GTPBP2: variants seen among roughly 807,000 people sequenced by gnomAD.
GTPBP2 encodes the protein GTP-binding protein 2.
In GTPBP2, 32 loss-of-function variants were observed where a neutral mutation model predicts 63.0. That is an observed-to-expected ratio of 0.51 (90% CI 0.38 to 0.68). The LOEUF is 0.68. Ranked by LOEUF, GTPBP2 falls within the 30% of genes least tolerant of loss-of-function variation. The probability of loss-of-function intolerance (pLI) is 0.00; values close to 1 mark genes in which losing one functional copy is unlikely to be tolerated. For missense variants in GTPBP2, 492 were observed against 796.9 expected (o/e 0.62, Z 4.61); for synonymous variants, 310 against 322.6 (o/e 0.96, Z 0.42).
Position 43,624,833 on chromosome 6 carries a change from G to A in GTPBP2, c.880+55C>T. On this transcript the variant is annotated intron_variant, in intron 6 of 11. Transcript: ENST00000307126. This position sits in a 1 kb window ranked among gnomAD's most constrained non-coding sequence, Gnocchi z 5.1. ...GTCTGTCTCCAAGATTTGAGGCCCA[G>A]GGTAGGAGAGTCAGCACCCCCCTTC... 6.3e-7 allele frequency: 1 copy of A among 1,592,532 alleles called. No homozygotes were observed. The highest frequency in any genetic ancestry group is 8.6e-7 in the Non-Finnish European group (1 of 1,161,396).
chr6:43,623,435 C>T lies in GTPBP2; in HGVS notation c.1295+302G>A. 6 of 420,958 alleles carry T rather than the reference C, an allele frequency of 1.4e-5. No individual in the cohort carries two copies. In the South Asian group the frequency reaches 1.8e-4, roughly 13 times the overall value. The allele number at this position is 420,958 out of a possible 1,614,324, so 26.1% of individuals were successfully genotyped here. On this transcript the variant is annotated intron_variant, in intron 9 of 11. Coordinates refer to ENST00000307126, the MANE Select transcript of GTPBP2 (RefSeq NM_019096.5). ...GAAAGAAGAGTCTTAAGTGACGTCT[C>T]TCATTTCCCTGTGTGAGATGAAGTC...
intron 11 of GTPBP2, 46 bp downstream of exon 11, chr6:43,621,957 C>T (rs1191015575): frequency 1.2e-6 from 2 of 1,609,572 alleles, no homozygotes; most frequent in Non-Finnish European, 1.7e-6. Context: ...GGCAGGCCTC[C>T]CTCTTTTCTG....
chr6:43,627,623 A>C (rs1324754099), intron 1 of GTPBP2, among the ~76,000 whole-genome samples: 2 of 152,170 alleles, frequency 1.3e-5, no homozygotes, highest in Admixed American at 6.5e-5. Context: ...AATCCACCCC[A>C]CAGTCTCTTC....
chr6:43,626,263 G>T lies in GTPBP2; in HGVS notation c.361C>A (p.Arg121=), dbSNP rs142098011. 6.2e-7 allele frequency: 1 copy of T among 1,614,148 alleles called. No individual in the cohort carries two copies. Among genetic ancestry groups the T allele is most frequent in the Non-Finnish European group, 8.5e-7 (1 of 1,180,000 alleles). ...CGGTGCAGGGTCTTGAGCGAAGCTC[G>T]CATTTCCTCCTCAGCCAGCCCCACC... ...LLVGLAEEEM[R]ASLKTLHRMA... The change falls in exon 3 of 12, where the codon CGA becomes AGA. Residue 121 remains arginine, a synonymous_variant. Coordinates refer to ENST00000307126, the MANE Select transcript of GTPBP2 (RefSeq NM_019096.5). The surrounding 1 kb of genome is among the most constrained non-coding windows in gnomAD (Gnocchi z 4.0).
In GTPBP2 at chr6:43,624,839, G is replaced by T; in HGVS notation, c.880+49C>A. The T allele has an allele frequency of 6.3e-7, 1 of 1,598,510 alleles. No individual in the cohort carries two copies. The highest frequency in any genetic ancestry group is 8.6e-7 in the Non-Finnish European group (1 of 1,166,632). ...CTCCAAGATTTGAGGCCCAGGGTAG[G>T]AGAGTCAGCACCCCCCTTCAGCCCT... On this transcript the variant is annotated intron_variant, in intron 6 of 11. Coordinates refer to ENST00000307126, the MANE Select transcript of GTPBP2 (RefSeq NM_019096.5). This position sits in a 1 kb window ranked among gnomAD's most constrained non-coding sequence, Gnocchi z 5.1.
At chr6:43,627,957 G>C (rs1456623118) in intron 1 of GTPBP2, among the ~76,000 whole-genome samples, 1 of 152,144 alleles carries the variant, frequency 6.6e-6, no homozygotes, top group Non-Finnish European at 1.5e-5. Flanking sequence ...TGACAGTCTA[G>C]GGCCCAGACC....
intron 11 of GTPBP2, 86 bp downstream of exon 11, chr6:43,621,917 G>T: frequency 1.3e-6 from 2 of 1,596,952 alleles, no homozygotes; most frequent in East Asian, 2.2e-5. Flanking sequence ...TATTCCCATT[G>T]TGGGATCAAG....
chr6:43,629,335 G>C (rs1038497289), upstream of GTPBP2: 2 of 170,184 alleles, frequency 1.2e-5, no homozygotes, highest in Non-Finnish European at 2.4e-5. Flanking sequence ...ACAGCCGCGG[G>C]GCACCACGGG....
At position 43,620,774 on chromosome 6, in the gene GTPBP2, T is replaced by G. The variant is rs1394995529; in HGVS notation, c.*840A>C. 2 of 151,492 alleles carry G rather than the reference T, an allele frequency of 1.3e-5. No individual in the cohort carries two copies. The highest frequency in any genetic ancestry group is 6.6e-5 in the Admixed American group (1 of 15,120). 9.4% of individuals were successfully genotyped at this position (151,492 alleles called of 1,614,324 possible). A position where few individuals can be genotyped will look rare whatever the true frequency, so the allele number is the denominator to read the frequency against. Reference sequence around the variant, plus strand: ...GTGGGGCAGGAAAGTGGGGTGAGAGTGGTAGGATGGGGAACTCAGATGCCA... The same window carrying G: ...GTGGGGCAGGAAAGTGGGGTGAGAGGGGTAGGATGGGGAACTCAGATGCCA... On this transcript the variant is annotated 3_prime_UTR_variant, in exon 12 of 12. Transcript: ENST00000307126.
In GTPBP2 at chr6:43,622,623, C is replaced by T. The variant is rs201929088; in HGVS notation, c.1467+10G>A. On this transcript the variant is annotated intron_variant, in intron 10 of 11. Coordinates refer to ENST00000307126, the MANE Select transcript of GTPBP2 (RefSeq NM_019096.5). The surrounding 1 kb of genome is among the most constrained non-coding windows in gnomAD (Gnocchi z 5.4). ...TAGCGTTCCCTCCCCAACCCATGCA[C>T]CCACCTCACCTTGCGAAGCAGTGCA... The T allele has an allele frequency of 6.2e-7, 1 of 1,606,054 alleles. No individual in the cohort carries two copies. The highest frequency in any genetic ancestry group is 8.5e-7 in the Non-Finnish European group (1 of 1,173,414).
upstream of GTPBP2, chr6:43,629,702 T>G (rs1484409741): frequency 6.5e-7 from 1 of 1,548,298 alleles, no homozygotes; most frequent in East Asian, 2.4e-5. Context: ...CTGAGGCTAC[T>G]GGTGCCGCCA....
In GTPBP2 at chr6:43,625,715, C is replaced by T. The variant is rs1420440112; in HGVS notation, c.507+41G>A. ...ACAGCCTGCCACCACAGGGCCCTTC[C>T]ACAGTGTGGACATGAGAGACAGGGA... On this transcript the variant is annotated intron_variant, in intron 4 of 11. Transcript: ENST00000307126. This position sits in a 1 kb window ranked among gnomAD's most constrained non-coding sequence, Gnocchi z 5.1. The T allele has an allele frequency of 6.6e-7, 1 of 1,521,596 alleles. No individual in the cohort carries two copies. Among genetic ancestry groups the T allele is most frequent in the African/African-American group, 1.4e-5 (1 of 73,184 alleles). The allele number at this position is 1,521,596 out of a possible 1,614,324, so 94.3% of individuals were successfully genotyped here.
rs751313519 is a variant in GTPBP2 at position 43,626,398 on chromosome 6, T to A, written c.226A>T (p.Asn76Tyr). 6.2e-7 allele frequency: 1 copy of A among 1,613,996 alleles called. No individual in the cohort carries two copies. The highest frequency in any genetic ancestry group is 1.1e-5 in the South Asian group (1 of 91,078). The change falls in exon 3 of 12, where the codon AAT becomes TAT. Residue 76 changes from asparagine (N) to tyrosine (Y), a missense_variant. Asn to Tyr is a moderately radical substitution (Grantham distance 143). Transcript: ENST00000307126. This position sits in a 1 kb window ranked among gnomAD's most constrained non-coding sequence, Gnocchi z 4.0. ...TGCTCAAAGCGGTACTGGGATGGATTCACCAGCTTCAACTTAGGGCAAGTG... is the reference window on the plus strand; with the variant it reads ...TGCTCAAAGCGGTACTGGGATGGATACACCAGCTTCAACTTAGGGCAAGTG... ...GNIEYKLKLVNPSQYRFEHLV... is the reference protein window; with the variant it reads ...GNIEYKLKLVYPSQYRFEHLV...
Position 43,629,109 on chromosome 6 carries a change from G to C in GTPBP2, c.54C>G (p.Gly18=). 1 of 1,543,108 alleles carries C rather than the reference G, an allele frequency of 6.5e-7. No homozygotes were observed. The highest frequency in any genetic ancestry group is 1.4e-5 in the African/African-American group (1 of 71,396). The change falls in exon 1 of 12, where the codon GGC becomes GGG. Residue 18 remains glycine, a synonymous_variant. Coordinates refer to ENST00000307126, the MANE Select transcript of GTPBP2 (RefSeq NM_019096.5). ...LFGGCCRPGG[G]PAVGGTLKAR... ...CCTTGAGGGTTCCGCCCACGGCCGG[G>C]CCCCCTCCGGGCCGGCAGCAGCCGC...
Position 43,625,271 on chromosome 6 carries a change from A to G in GTPBP2, c.705+92T>C. ...GGCATTCATCTATACTATTTCAAAA[A>G]GTCTCCACACTCTACCCCCATCCTA... On this transcript the variant is annotated intron_variant, in intron 5 of 11. Coordinates refer to ENST00000307126, the MANE Select transcript of GTPBP2 (RefSeq NM_019096.5). The surrounding 1 kb of genome is among the most constrained non-coding windows in gnomAD (Gnocchi z 5.1). 1 of 1,261,962 alleles carries G rather than the reference A, an allele frequency of 7.9e-7. No individual in the cohort carries two copies. Among genetic ancestry groups the G allele is most frequent in the South Asian group, 1.2e-5 (1 of 80,032 alleles). The allele number at this position is 1,261,962 out of a possible 1,614,324, so 78.2% of individuals were successfully genotyped here.
chr6:43,626,513 A>T lies in GTPBP2; in HGVS notation c.214-103T>A. The T allele has an allele frequency of 1.2e-6, 1 of 857,586 alleles. No homozygotes were observed. Among genetic ancestry groups the T allele is most frequent in the Non-Finnish European group, 1.9e-6 (1 of 540,212 alleles). 53.1% of individuals were successfully genotyped at this position (857,586 alleles called of 1,614,324 possible). A position where few individuals can be genotyped will look rare whatever the true frequency, so the allele number is the denominator to read the frequency against. Reference sequence around the variant, plus strand: ...GCAAGGACCAGGACTTTCTCTTTCCACTTAAACTCATACCTGATCCCCCTC... The same window carrying T: ...GCAAGGACCAGGACTTTCTCTTTCCTCTTAAACTCATACCTGATCCCCCTC... On this transcript the variant is annotated intron_variant, in intron 2 of 11. Coordinates refer to ENST00000307126, the MANE Select transcript of GTPBP2 (RefSeq NM_019096.5). The surrounding 1 kb of genome is among the most constrained non-coding windows in gnomAD (Gnocchi z 4.0).
In GTPBP2 at chr6:43,623,736, C is replaced by G. The variant is rs1176347411; in HGVS notation, c.1295+1G>C. On this transcript the variant is annotated splice_donor_variant, in intron 9 of 11. Coordinates refer to ENST00000307126, the MANE Select transcript of GTPBP2 (RefSeq NM_019096.5). LOFTEE classifies it high-confidence loss of function. ...GGAGGGTAGCAAGCAAGACAATTTA[C>G]CTGGAAAGTGTTCCTCCAACAACAG... 1 of 1,609,754 alleles carries G rather than the reference C, an allele frequency of 6.2e-7. No homozygotes were observed. Among genetic ancestry groups the G allele is most frequent in the Non-Finnish European group, 8.5e-7 (1 of 1,176,028 alleles).
rs1582348891 is a variant in GTPBP2 at position 43,625,517 on chromosome 6, C to T, written c.551G>A (p.Gly184Glu). ...RVAVLGNVDS[G>E]KSTLLGVLTQ... Reference sequence around the variant, plus strand: ...CAGGACTCCAAGCAGAGTTGACTTCCCAGAGTCCACATTCCCCAGGACGGC... The same window carrying T: ...CAGGACTCCAAGCAGAGTTGACTTCTCAGAGTCCACATTCCCCAGGACGGC... Residue 184 changes from glycine to glutamate, a missense_variant, in exon 5 of 12, where the codon GGG (glycine) becomes GAG (glutamate). By Grantham distance (98) the Gly-to-Glu change is moderately conservative. This residue lies in a region of GTPBP2 where 400 missense variants were observed against 710.8 expected (regional missense o/e 0.56). Coordinates refer to ENST00000307126, the MANE Select transcript of GTPBP2 (RefSeq NM_019096.5). The surrounding 1 kb of genome is among the most constrained non-coding windows in gnomAD (Gnocchi z 5.1). 1 of 1,613,912 alleles carries T rather than the reference C, an allele frequency of 6.2e-7. No individual in the cohort carries two copies. Among genetic ancestry groups the T allele is most frequent in the African/African-American group, 1.3e-5 (1 of 74,902 alleles).
In GTPBP2 at chr6:43,626,905, C is replaced by T; in HGVS notation, c.213+17G>A. ...CAACCTACCCCAGCCCCTGCTTTTC[C>T]CCAGCCTAGGACTCACTTTATATTC... On this transcript the variant is annotated intron_variant, in intron 2 of 11. Transcript: ENST00000307126. This position sits in a 1 kb window ranked among gnomAD's most constrained non-coding sequence, Gnocchi z 4.0. 8 of 1,602,684 alleles carry T rather than the reference C, an allele frequency of 5.0e-6. No individual in the cohort carries two copies. Among genetic ancestry groups the T allele is most frequent in the Non-Finnish European group, 6.8e-6 (8 of 1,172,476 alleles).
Sources: gnomAD v4.1 joint callset for allele counts (sites outside exome capture counted in the v4.1 genomes callset) on GRCh38, gnomAD v4.1.1 for gene constraint, gnomAD v4.1.1 regional missense constraint, Gnocchi (gnomAD v3.1) non-coding constraint, MANE v1.5 for transcripts, NCBI Gene and HGNC (gene_info 2026-07-23, HGNC 2026-07-21) for gene names.